Variants in RAE1 observed in about 807,000 individuals in gnomAD.
RAE1 encodes ribonucleic acid export 1.
RAE1 carries 13 observed loss-of-function variants against 52.7 expected under a neutral mutation model. The ratio of observed to expected loss-of-function variants is 0.25; its 90% confidence interval spans 0.16 to 0.39. The LOEUF (loss-of-function observed/expected upper bound fraction) is 0.39. Among genes scored for constraint, RAE1 ranks in the 10% least tolerant of loss-of-function variants. The pLI is 1.00. For synonymous variants in RAE1, 164 were observed against 153.1 expected (o/e 1.07, Z -0.52); for missense variants, 262 against 459.8 (o/e 0.57, Z 3.93).
chr20:57,361,720 C>A (rs534020336), intron 4 of RAE1, among the ~76,000 whole-genome samples: 36 of 152,226 alleles, frequency 2.4e-4, no homozygotes, highest in African/African-American at 8.4e-4. Context: ...TAAAAAATAC[C>A]AAATGCATGA....
At position 57,355,632 on chromosome 20, in the gene RAE1, C is replaced by T. The variant is rs573218932; in HGVS notation, c.196-814C>T. 7.9e-5 allele frequency among the ~76,000 whole-genome samples: 12 copies of T among 152,288 alleles called. 1 individual carries two copies. Among genetic ancestry groups the T allele is most frequent in the Middle Eastern group, 3.4e-3 (1 of 294 alleles). ...ATTAACCTTTATAACAGCCAAAGCA[C>T]TGTGAACTTGTGAAAATTTTGAAAA... On this transcript the variant is annotated intron_variant, in intron 3 of 11. Transcript: ENST00000395841.
intron 1 of RAE1, among the ~76,000 whole-genome samples, chr20:57,353,806 G>A (rs1485541314): frequency 6.6e-6 from 1 of 152,248 alleles, no homozygotes; most frequent in Non-Finnish European, 1.5e-5. Flanking sequence ...AACTAGATAT[G>A]GAGTGTATGG....
At chr20:57,358,610 G>C (rs79644226) in intron 4 of RAE1, 1 of 165,726 alleles carries the variant, frequency 6.0e-6, no homozygotes, top group Non-Finnish European at 1.3e-5. Flanking sequence ...GGTCTGAACT[G>C]AGATCACATA....
chr20:57,365,427 G>C lies in RAE1; in HGVS notation c.360G>C (p.Ala120=). Residue 120 remains alanine (A), a synonymous_variant, in exon 5 of 12, where the codon GCG becomes GCC. Coordinates refer to ENST00000395841, the MANE Select transcript of RAE1 (RefSeq NM_003610.4). ...AKMWDLSSNQ[A]IQIAQHDAPV... ...TGTGGGACCTCAGCAGTAACCAAGC[G>C]ATACAGATCGCACAGGTAACAGAAG... The C allele has an allele frequency of 1.2e-6, 2 of 1,606,870 alleles. No homozygotes were observed. The highest frequency in any genetic ancestry group is 1.7e-6 in the Non-Finnish European group (2 of 1,175,384).
chr20:57,366,769 A>G (rs2066960615), intron 5 of RAE1, 38 bp from the exon 6 acceptor site: 3 of 1,542,160 alleles, frequency 1.9e-6, no homozygotes, highest in Non-Finnish European at 2.7e-6. Context: ...ACATTCTTAC[A>G]TTTACCTTGA....
intron 7 of RAE1, among the ~76,000 whole-genome samples, chr20:57,368,181 C>T (rs556082932): frequency 5.3e-5 from 8 of 152,270 alleles, no homozygotes; most frequent in East Asian, 1.9e-4. Context: ...CCACCATGCC[C>T]GGCTGGTCTT....
At chr20:57,358,717 G>A in intron 4 of RAE1, 1 of 319,846 alleles carries the variant, frequency 3.1e-6, no homozygotes, top group Admixed American at 4.9e-5. Context: ...TGTCGATATG[G>A]ACTCTAGTAT....
chr20:57,353,816 G>A (rs1028405279), intron 1 of RAE1, among the ~76,000 whole-genome samples: 2 of 152,300 alleles, frequency 1.3e-5, no homozygotes, highest in East Asian at 3.9e-4. Flanking sequence ...GGAGTGTATG[G>A]GAATTCTATC....
intron 4 of RAE1, among the ~76,000 whole-genome samples, chr20:57,361,752 A>G (rs2066895214): frequency 6.6e-6 from 1 of 152,212 alleles, no homozygotes; most frequent in African/African-American, 2.4e-5. Context: ...TGACTGGCTA[A>G]TAGGGTGGTA....
chr20:57,377,826 A>T (rs2067138275), intron 11 of RAE1, among the ~76,000 whole-genome samples, 187 bp from the exon 12 acceptor site: 1 of 152,168 alleles, frequency 6.6e-6, no homozygotes, highest in Admixed American at 6.5e-5. Flanking sequence ...GGTACCAACC[A>T]CATCCTTAGG....
chr20:57,371,894 G>A (rs2067040802), intron 8 of RAE1: 1 of 152,218 alleles, frequency 6.6e-6, no homozygotes, highest in South Asian at 2.1e-4. Context: ...GACCATGAAG[G>A]AGATTATGCA....
intron 11 of RAE1, among the ~76,000 whole-genome samples, chr20:57,377,632 C>A (rs531211136): frequency 2.0e-5 from 3 of 152,326 alleles, no homozygotes; most frequent in South Asian, 2.1e-4. Flanking sequence ...CCCCATGATA[C>A]CCCGCAGGTC....
At chr20:57,354,282 A>AT (rs1276296553) in intron 2 of RAE1, among the ~76,000 whole-genome samples, 154 bp downstream of exon 2, 1 of 152,218 alleles carries the variant, frequency 6.6e-6, no homozygotes, top group Non-Finnish European at 1.5e-5. Context: ...AGCACAGAAA[A>AT]TGTGTCCCCG....
At chr20:57,373,778 A>T (rs1023403233) in intron 10 of RAE1, 40 bp downstream of exon 10, 1 of 1,578,700 alleles carries the variant, frequency 6.3e-7, no homozygotes, top group Non-Finnish European at 8.7e-7. Context: ...ATACATCTGG[A>T]AACCAGACTT....
chr20:57,353,350 T>A (rs144041940), intron 1 of RAE1, among the ~76,000 whole-genome samples: 10 of 152,342 alleles, frequency 6.6e-5, no homozygotes, highest in African/African-American at 2.4e-4. Flanking sequence ...CTGGTGAGAT[T>A]AGAGTCCCAA....
At chr20:57,371,152 T>G (rs1397070827) in intron 8 of RAE1, 1 of 152,218 alleles carries the variant, frequency 6.6e-6, no homozygotes, top group Non-Finnish European at 1.5e-5. Flanking sequence ...GACATTGGTC[T>G]TGGCAGTAAT....
chr20:57,354,915 A>T, intron 3 of RAE1, 99 bp downstream of exon 3: 1 of 885,584 alleles, frequency 1.1e-6, no homozygotes. Context: ...AATCAGTTGG[A>T]CTTATTTATG....
chr20:57,353,900 C>T (rs1049157385), intron 1 of RAE1, 132 bp from the exon 2 acceptor site: 11 of 719,434 alleles, frequency 1.5e-5, no homozygotes, highest in East Asian at 7.9e-5. Context: ...GCTCATTGCG[C>T]TCTTGTCTGA....
chr20:57,370,731 A>G (rs2067024603), intron 8 of RAE1, among the ~76,000 whole-genome samples: 1 of 152,224 alleles, frequency 6.6e-6, no homozygotes, highest in African/African-American at 2.4e-5. Context: ...TGTCATATAC[A>G]TACTAAATAT....
Sources: allele counts gnomAD v4.1 joint callset (sites outside exome capture counted in the v4.1 genomes callset), GRCh38; gene constraint gnomAD v4.1.1; transcripts MANE v1.5; gene names NCBI Gene and HGNC (gene_info 2026-07-23, HGNC 2026-07-21).